PRH1: variants seen among roughly 807,000 people sequenced by gnomAD.
The protein encoded by PRH1 is salivary acidic proline-rich phosphoprotein 1/2.
A neutral mutation model predicts 7.9 loss-of-function variants in PRH1; 7 were observed. The observed-to-expected ratio is 0.89, with a 90% CI of 0.50 to 1.67. The LOEUF (loss-of-function observed/expected upper bound fraction) is 1.67. PRH1 is among the 40% of genes most tolerant of loss of function. The probability of loss-of-function intolerance (pLI) is 0.00; values close to 1 mark genes in which losing one functional copy is unlikely to be tolerated. For missense variants in PRH1, 109 were observed against 223.6 expected (o/e 0.49, Z 3.27); for synonymous variants, 45 against 80.8 (o/e 0.56, Z 2.38).
At chr12:11,038,544 G>C (rs1487049613) in intron 1 of PRH1, among the ~76,000 whole-genome samples, 9 of 152,128 alleles carry the variant, frequency 5.9e-5, no homozygotes, top group African/African-American at 1.9e-4. Context: ...TCTCATATCT[G>C]TATTATTATT....
intron 1 of PRH1, among the ~76,000 whole-genome samples, chr12:11,032,744 G>A (rs1196100218): frequency 6.6e-6 from 1 of 152,102 alleles, no homozygotes; most frequent in African/African-American, 2.4e-5. Flanking sequence ...AATTTTATAA[G>A]AATTCCTCAG....
chr12:11,039,025 C>T (rs188785634), intron 1 of PRH1, among the ~76,000 whole-genome samples: 1 of 152,114 alleles, frequency 6.6e-6, no homozygotes, highest in East Asian at 1.9e-4. Context: ...TAGTTAACAG[C>T]ATACTGTAAG....
chr12:11,101,972 G>T (rs1047012521), intron 1 of PRH1, among the ~76,000 whole-genome samples: 1 of 151,192 alleles, frequency 6.6e-6, no homozygotes, highest in Non-Finnish European at 1.5e-5. Context: ...AAATACCTAA[G>T]AATCCAACTT....
chr12:11,128,663 T>A (rs1304918627), intron 1 of PRH1, among the ~76,000 whole-genome samples: 1 of 152,168 alleles, frequency 6.6e-6, no homozygotes, highest in Non-Finnish European at 1.5e-5. Context: ...GAGAATCATT[T>A]GAACCCAGAA....
In PRH1 at chr12:10,986,039, G is replaced by A. The variant is rs761010293; in HGVS notation, c.-125-12318C>T. Reference sequence around the variant, plus strand: ...TTCTCCAAATTAGGATGAATGAGTCGAATGCAAGATATATGTTTCCAACAG... The same window carrying A: ...TTCTCCAAATTAGGATGAATGAGTCAAATGCAAGATATATGTTTCCAACAG... On this transcript the variant is annotated intron_variant, in intron 1 of 3. Transcript: ENST00000539853. The A allele has an allele frequency of 2.9e-5, 47 of 1,613,866 alleles. 1 individual carries two copies. The Admixed American group carries it at 4.0e-4, about 14-fold the overall frequency.
chr12:11,151,241 G>A (rs917049252), intron 1 of PRH1, among the ~76,000 whole-genome samples: 2 of 150,772 alleles, frequency 1.3e-5, no homozygotes, highest in African/African-American at 2.4e-5. Flanking sequence ...GTTGCAGGCT[G>A]CTGGCCAAAA....
chr12:10,980,300 C>T (rs1425006128), intron 1 of PRH1, among the ~76,000 whole-genome samples: 1 of 152,116 alleles, frequency 6.6e-6, no homozygotes, highest in African/African-American at 2.4e-5. Flanking sequence ...AATCATAATT[C>T]TATCTATGTA....
At chr12:11,116,101 A>C (rs1945723963), downstream of PRH1, among the ~76,000 whole-genome samples, 1 of 152,076 alleles carries the variant, frequency 6.6e-6, no homozygotes, top group African/African-American at 2.4e-5. Flanking sequence ...AGATCAATGA[A>C]ACAAAAACCT....
chr12:10,941,941 TC>T (rs1228620086), intron 2 of PRH1, among the ~76,000 whole-genome samples: 1 of 152,198 alleles, frequency 6.6e-6, no homozygotes, highest in African/African-American at 2.4e-5. Context: ...CTCCCTTTTT[TC>T]CTATGGATGT....
chr12:10,933,378 A>G (rs1392113732), intron 2 of PRH1, among the ~76,000 whole-genome samples: 1 of 152,136 alleles, frequency 6.6e-6, no homozygotes, highest in Admixed American at 6.5e-5. Context: ...GCAGTCCTTT[A>G]GTATGCTGAT....
chr12:10,974,508 C>G (rs373324349), intron 1 of PRH1, among the ~76,000 whole-genome samples: 1 of 152,148 alleles, frequency 6.6e-6, no homozygotes, highest in Non-Finnish European at 1.5e-5. Flanking sequence ...CGGCATTCAG[C>G]GCGGGAGTGC....
At chr12:10,883,967 T>C (rs993107555) in intron 1 of PRH1, among the ~76,000 whole-genome samples, 187 bp downstream of exon 1, 4 of 152,158 alleles carry the variant, frequency 2.6e-5, no homozygotes, top group Non-Finnish European at 4.4e-5. Context: ...ATTCTATTTG[T>C]GCAACAAATA....
intron 2 of PRH1, among the ~76,000 whole-genome samples, chr12:10,965,669 C>T (rs1241283464): frequency 6.6e-6 from 1 of 152,208 alleles, no homozygotes; most frequent in East Asian, 1.9e-4. Context: ...TGCCAGCATG[C>T]AAATAAAGAC....
chr12:10,992,026 C>T (rs941260867), intron 1 of PRH1, among the ~76,000 whole-genome samples: 1 of 152,036 alleles, frequency 6.6e-6, no homozygotes, highest in Non-Finnish European at 1.5e-5. Flanking sequence ...TAATTATAAA[C>T]CAAGAGGGGA....
intron 1 of PRH1, among the ~76,000 whole-genome samples, chr12:11,013,415 C>T (rs868062776): frequency 2.6e-5 from 4 of 152,010 alleles, no homozygotes; most frequent in African/African-American, 7.2e-5. Context: ...AGATAAATTT[C>T]TATTCTTATT....
intron 1 of PRH1, among the ~76,000 whole-genome samples, chr12:11,017,295 T>C (rs1868764): frequency 0.97 from 147,264 of 152,146 alleles, 71,426 homozygotes; most frequent in Middle Eastern, 1. Flanking sequence ...ATATTAATAA[T>C]GTTACGGTAA....
At chr12:10,986,755 C>G (rs1262910656) in intron 1 of PRH1, 2 of 1,610,838 alleles carry the variant, frequency 1.2e-6, no homozygotes, top group South Asian at 1.1e-5. Flanking sequence ...TTTCTCTTCA[C>G]CCAGTCAATG....
intron 1 of PRH1, among the ~76,000 whole-genome samples, chr12:11,008,345 A>G (rs1940920353): frequency 6.6e-6 from 1 of 152,088 alleles, no homozygotes; most frequent in African/African-American, 2.4e-5. Context: ...CATACATAGA[A>G]ATGTGCCAAA....
chr12:10,938,183 A>C, intron 2 of PRH1: 1 of 1,050,496 alleles, frequency 9.5e-7, no homozygotes, highest in Non-Finnish European at 1.4e-6. Context: ...ACACAATGAA[A>C]GAATCTTAAG....
Sources: gnomAD v4.1 joint callset for allele counts (sites outside exome capture counted in the v4.1 genomes callset) on GRCh38, gnomAD v4.1.1 for gene constraint, MANE v1.5 for transcripts, NCBI Gene and HGNC (gene_info 2026-07-23, HGNC 2026-07-21) for gene names.